The following CAST variants were observed in gnomAD, a reference collection of about 807,000 sequenced individuals.
The protein encoded by CAST is MIR583 host.
CAST carries 76 observed loss-of-function variants against 119.6 expected under a neutral mutation model. The ratio of observed to expected loss-of-function variants is 0.64; its 90% CI spans 0.53 to 0.77. The LOEUF (loss-of-function observed/expected upper bound fraction) is 0.77, where lower values mean the gene tolerates loss of function less well. CAST is among the 30% of genes least tolerant of loss of function. CAST has a pLI of 0.00. For synonymous variants in CAST, 319 were observed against 331.6 expected, an observed-to-expected ratio of 0.96 and a Z score of 0.41; for missense variants, 953 against 946.5, an observed-to-expected ratio of 1.01 and a Z score of -0.09.
At chr5:96,506,880 G>A in the CAST span, among the ~76,000 whole-genome samples, 7 of 152,198 alleles carry the variant, frequency 4.6e-5, no homozygotes, top group East Asian at 1.3e-3. Context: ...GGTGTGGGGA[G>A]GGCAGCTTCC....
At chr5:96,418,126 C>T in the CAST span, among the ~76,000 whole-genome samples, 2 of 152,192 alleles carry the variant, frequency 1.3e-5, no homozygotes, top group African/African-American at 2.4e-5. Flanking sequence ...CTAGTGAGAG[C>T]TGCAGGAGGA....
At chr5:95,993,009 T>C in the CAST span, among the ~76,000 whole-genome samples, 1 of 152,192 alleles carries the variant, frequency 6.6e-6, no homozygotes, top group African/African-American at 2.4e-5. Flanking sequence ...AAAATAGATT[T>C]CCTGATTTCA....
the CAST span, chr5:96,111,134 G>A: frequency 6.6e-6 from 1 of 152,148 alleles, no homozygotes. Context: ...CCCTCCTCAA[G>A]TCTGATAATT....
intron 3 of CAST, 44 bp from the exon 4 acceptor site, chr5:96,722,595 G>A (rs746075270): frequency 3.5e-6 from 5 of 1,428,490 alleles, no homozygotes; most frequent in Admixed American, 3.4e-5. Context: ...GTAGATTGTA[G>A]GTTAAATAGA....
intron 1 of CAST, among the ~76,000 whole-genome samples, chr5:96,548,240 T>C (rs1746053656): frequency 6.6e-6 from 1 of 152,190 alleles, no homozygotes; most frequent in South Asian, 2.1e-4. Flanking sequence ...GCAACAAGAC[T>C]CAGACCCCTT....
At chr5:96,565,077 G>GGTGTGTGT (rs61240765) in intron 1 of CAST, among the ~76,000 whole-genome samples, 22,648 of 148,630 alleles carry the variant, frequency 0.15, 1,821 homozygotes, top group Non-Finnish European at 0.18. Flanking sequence ...ACATGGGAAA[G>GGTGTGTGT]GTGTGTGTGT....
At chr5:96,484,724 A>G in the CAST span, among the ~76,000 whole-genome samples, 1 of 150,444 alleles carries the variant, frequency 6.6e-6, no homozygotes, top group African/African-American at 2.5e-5. Context: ...TGAAAAATGA[A>G]CTCCAACGAG....
the CAST span, among the ~76,000 whole-genome samples, chr5:96,034,543 TA>T: frequency 7.3e-6 from 1 of 136,142 alleles, no homozygotes; most frequent in Non-Finnish European, 1.5e-5. Flanking sequence ...TATATTCCAT[TA>T]TATATATATA....
At chr5:96,396,874 A>G in the CAST span, among the ~76,000 whole-genome samples, 1 of 152,258 alleles carries the variant, frequency 6.6e-6, no homozygotes, top group Admixed American at 6.5e-5. Flanking sequence ...TAAAAAAGTC[A>G]TATTAAATAA....
the CAST span, among the ~76,000 whole-genome samples, chr5:96,122,375 C>CT: frequency 4.1e-3 from 631 of 152,178 alleles, 16 homozygotes; most frequent in South Asian, 0.046. Flanking sequence ...TGCTGAGATA[C>CT]TTTTTTTCCT....
At chr5:96,544,700 T>TA (rs1225298500) in intron 1 of CAST, among the ~76,000 whole-genome samples, 9 of 151,812 alleles carry the variant, frequency 5.9e-5, no homozygotes, top group African/African-American at 2.2e-4. Flanking sequence ...AAAGGAGATT[T>TA]AGAAAAATAA....
At chr5:96,311,611 T>G in the CAST span, among the ~76,000 whole-genome samples, 153 of 152,232 alleles carry the variant, frequency 1.0e-3, no homozygotes, top group Middle Eastern at 3.4e-3. Context: ...ATATTTATAA[T>G]TGTTTAATCT....
At chr5:96,341,206 A>C in the CAST span, among the ~76,000 whole-genome samples, 1 of 152,098 alleles carries the variant, frequency 6.6e-6, no homozygotes, top group African/African-American at 2.4e-5. Context: ...GTGTCTTCTT[A>C]TTTGTCCCCT....
At chr5:96,009,655 G>A in the CAST span, among the ~76,000 whole-genome samples, 10 of 151,680 alleles carry the variant, frequency 6.6e-5, no homozygotes, top group Admixed American at 5.2e-4. Flanking sequence ...TTTGTTTTTT[G>A]CTTGTTGATT....
the CAST span, among the ~76,000 whole-genome samples, chr5:96,027,204 A>G: frequency 6.6e-6 from 1 of 152,196 alleles, no homozygotes; most frequent in African/African-American, 2.4e-5. Flanking sequence ...AAACTAAAAC[A>G]ACAATTACCT....
the CAST span, among the ~76,000 whole-genome samples, chr5:96,345,031 A>G: frequency 2.2e-4 from 33 of 152,286 alleles, no homozygotes; most frequent in Non-Finnish European, 3.7e-4. Flanking sequence ...GTATGAGGGT[A>G]GATATGGAAA....
At chr5:96,333,161 G>A in the CAST span, among the ~76,000 whole-genome samples, 1 of 151,452 alleles carries the variant, frequency 6.6e-6, no homozygotes, top group African/African-American at 2.4e-5. Context: ...GTGAAGCGGT[G>A]ACCCAGTTAA....
At chr5:96,457,621 G>A in the CAST span, among the ~76,000 whole-genome samples, 24 of 152,254 alleles carry the variant, frequency 1.6e-4, 1 homozygote, top group East Asian at 2.9e-3. Context: ...TCTACCTGGC[G>A]TAGTCTTCTT....
chr5:96,250,965 T>C, the CAST span, among the ~76,000 whole-genome samples: 1 of 151,704 alleles, frequency 6.6e-6, no homozygotes, highest in South Asian at 2.1e-4. Context: ...GGTACAGAGG[T>C]ACAAAGGTAC....
Sources: allele counts gnomAD v4.1 joint callset (sites outside exome capture counted in the v4.1 genomes callset), GRCh38; gene constraint gnomAD v4.1.1; transcripts MANE v1.5; gene names NCBI Gene and HGNC (gene_info 2026-07-23, HGNC 2026-07-21).